DARS2: variants seen among roughly 807,000 people sequenced by gnomAD.
The protein encoded by DARS2 is aspartate--tRNA ligase, mitochondrial.
A neutral mutation model predicts 83.0 loss-of-function variants in DARS2; 63 were observed. The ratio of observed to expected loss-of-function variants is 0.76; its 90% CI spans 0.62 to 0.94. The LOEUF is 0.94. Ranked by LOEUF, DARS2 falls within the 40% of genes least tolerant of loss-of-function variation. The probability of loss-of-function intolerance (pLI) is 0.00; values close to 1 mark genes in which losing one functional copy is unlikely to be tolerated. For synonymous variants in DARS2, 250 were observed against 269.3 expected (o/e 0.93, Z 0.70); for missense variants, 675 against 774.4 (o/e 0.87, Z 1.52).
Position 173,834,782 on chromosome 1 carries a change from GT to G in DARS2, c.663+279del, listed in dbSNP as rs558344998. Among the ~76,000 whole-genome samples, 5,197 of 26,728 alleles carry G rather than the reference GT, an allele frequency of 0.19. 156 individuals are homozygous for G. Among genetic ancestry groups the G allele is most frequent in the Non-Finnish European group, 0.22 (3,631 of 16,236 alleles). 17.5% of individuals were successfully genotyped at this position (26,728 alleles called of 152,430 possible). ...TGGTTTGTTTTGGGTTTTTTTTTTT[GT>G]TTTTTTTTTTTTTTTGAGACAGTCT... is the stretch of plus-strand genomic sequence containing the variant. On this transcript the variant is annotated intron_variant, in intron 7 of 16. Coordinates refer to ENST00000649689, the MANE Select transcript of DARS2 (RefSeq NM_018122.5).
chr1:173,834,732 G>GTTTTTTTT lies in DARS2; in HGVS notation c.663+231_663+238dup. On this transcript the variant is annotated intron_variant, in intron 7 of 16. Transcript: ENST00000649689. ...AATTTTCTTTCCTTTGAGTTTTTTT[G>GTTTTTTTT]TTTTTTTTTTTTTTTTTTTTTTTTT... Among the ~76,000 whole-genome samples, 85 of 21,684 alleles carry GTTTTTTTT rather than the reference G, an allele frequency of 3.9e-3. 1 individual carries two copies. The highest frequency in any genetic ancestry group is 0.1 in the Middle Eastern group (2 of 20). 14.2% of individuals were successfully genotyped at this position (21,684 alleles called of 152,430 possible).
chr1:173,833,541 C>T (rs751775279), intron 6 of DARS2, 42 bp downstream of exon 6: 2 of 1,613,032 alleles, frequency 1.2e-6, no homozygotes, highest in Non-Finnish European at 1.7e-6. Context: ...TTTGTAGCAT[C>T]TCTTCTATTT....
At chr1:173,855,601 C>G (rs1194514735) in intron 15 of DARS2, among the ~76,000 whole-genome samples, 9 of 152,136 alleles carry the variant, frequency 5.9e-5, no homozygotes, top group African/African-American at 2.2e-4. Flanking sequence ...AGCTTCCAGT[C>G]AGCAGTTTTC....
chr1:173,839,257 C>A, intron 9 of DARS2, 110 bp from the exon 10 acceptor site: 7 of 890,808 alleles, frequency 7.9e-6, no homozygotes, highest in Non-Finnish European at 1.3e-5. Context: ...AATATTTATA[C>A]CCTCTGCATG....
At chr1:173,830,565 G>C in intron 3 of DARS2, 95 bp from the exon 4 acceptor site, 1 of 996,538 alleles carries the variant, frequency 1.0e-6, no homozygotes, top group East Asian at 2.4e-5. Context: ...ATTAAGCTGT[G>C]ACTATTAACG....
chr1:173,840,679 AT>A (rs1279290843), intron 10 of DARS2, among the ~76,000 whole-genome samples, 186 bp from the exon 11 acceptor site: 4 of 152,224 alleles, frequency 2.6e-5, no homozygotes, highest in Non-Finnish European at 1.5e-5. Flanking sequence ...CTAACCTCAT[AT>A]GAAATGAATG....
rs1304745729 is a variant in DARS2 at position 173,842,317 on chromosome 1, T to TTG, written c.1128+1344_1128+1345insTG. Among the ~76,000 whole-genome samples, 82 of 116,612 alleles carry TTG rather than the reference T, an allele frequency of 7.0e-4. 15 individuals carry two copies. Among genetic ancestry groups the TTG allele is most frequent in the African/African-American group, 3.0e-3 (71 of 23,530 alleles). The allele number at this position is 116,612 out of a possible 152,430, so 76.5% of individuals were successfully genotyped here. ...TTTTTTTTTTTTTTTTTTTTTTTTT[T>TTG]AGAGTGAGTCTTGCTCTGTCGCCCA... On this transcript the variant is annotated intron_variant, in intron 11 of 16. Coordinates refer to ENST00000649689, the MANE Select transcript of DARS2 (RefSeq NM_018122.5).
intron 10 of DARS2, 77 bp from the exon 11 acceptor site, chr1:173,840,789 A>T: frequency 1.2e-6 from 1 of 826,396 alleles, no homozygotes; most frequent in Non-Finnish European, 2.1e-6. Context: ...TCTCTTCTTT[A>T]AAATCTTGTT....
At chr1:173,847,844 C>CTTTTTTTTTTTT (rs1160841148) in intron 12 of DARS2, among the ~76,000 whole-genome samples, 1 of 78,616 alleles carries the variant, frequency 1.3e-5, no homozygotes, top group Non-Finnish European at 2.2e-5. Flanking sequence ...CTTTCTGAAC[C>CTTTTTTTTTTTT]TTTTTTTTTT....
chr1:173,832,322 T>C (rs1326947634), intron 5 of DARS2, among the ~76,000 whole-genome samples: 1 of 152,224 alleles, frequency 6.6e-6, no homozygotes, highest in Admixed American at 6.5e-5. Context: ...AATACTTAAT[T>C]ATCTAATTAG....
chr1:173,825,188 G>C lies in DARS2; in HGVS notation c.-42G>C, dbSNP rs781360061. 10 of 1,603,130 alleles carry C rather than the reference G, an allele frequency of 6.2e-6. No individual in the cohort carries two copies. Among genetic ancestry groups the C allele is most frequent in the Non-Finnish European group, 8.5e-6 (10 of 1,172,768 alleles). ...AAACTGACTTTTAACTACCGGCAGCGTGGGATTTCGTGATTGTTTTTCGCC... is the reference window on the plus strand; with the variant it reads ...AAACTGACTTTTAACTACCGGCAGCCTGGGATTTCGTGATTGTTTTTCGCC... On this transcript the variant is annotated 5_prime_UTR_variant, in exon 1 of 17. Coordinates refer to ENST00000649689, the MANE Select transcript of DARS2 (RefSeq NM_018122.5).
chr1:173,843,396 T>C (rs984056917), intron 11 of DARS2, among the ~76,000 whole-genome samples: 18 of 152,134 alleles, frequency 1.2e-4, no homozygotes, highest in Admixed American at 1.0e-3. Context: ...ACGTCTGTAC[T>C]AAAAATGTAA....
At chr1:173,834,091 C>A (rs914263823) in intron 6 of DARS2, among the ~76,000 whole-genome samples, 4 of 152,144 alleles carry the variant, frequency 2.6e-5, no homozygotes, top group African/African-American at 9.7e-5. Context: ...CATGTGCATA[C>A]ATCACTTATT....
At position 173,826,721 on chromosome 1, in the gene DARS2, T is replaced by G; in HGVS notation, c.162T>G (p.Cys54Trp). ...GCTTTGTTGTCCGGACCAACACATG[T>G]GGAGAGTTGCGTTCGTCTCACTTAG... ...FSSFVVRTNT[C>W]GELRSSHLGQ... Residue 54 changes from cysteine to tryptophan, a missense_variant, in exon 2 of 17, where the codon TGT becomes TGG. By Grantham distance (215) the Cys-to-Trp change is radical. Coordinates refer to ENST00000649689, the MANE Select transcript of DARS2 (RefSeq NM_018122.5). 6.2e-7 allele frequency: 1 copy of G among 1,612,954 alleles called. No homozygotes were observed. The highest frequency in any genetic ancestry group is 8.5e-7 in the Non-Finnish European group (1 of 1,179,372).
At chr1:173,846,314 G>A (rs1471227975) in intron 12 of DARS2, among the ~76,000 whole-genome samples, 6 of 151,940 alleles carry the variant, frequency 3.9e-5, no homozygotes, top group Non-Finnish European at 8.8e-5. Context: ...CTGGGCCACA[G>A]AGCAAGACTC....
At chr1:173,848,052 G>A (rs892315749) in intron 12 of DARS2, among the ~76,000 whole-genome samples, 4 of 151,878 alleles carry the variant, frequency 2.6e-5, no homozygotes, top group Non-Finnish European at 5.9e-5. Context: ...ATGGGGTTTC[G>A]CTGTGTTAGC....
Position 173,828,417 on chromosome 1 carries a change from G to A in DARS2, c.294+18G>A. 2 of 1,607,206 alleles carry A rather than the reference G, an allele frequency of 1.2e-6. No homozygotes were observed. Among genetic ancestry groups the A allele is most frequent in the Non-Finnish European group, 1.7e-6 (2 of 1,174,496 alleles). On this transcript the variant is annotated intron_variant, in intron 3 of 16. Coordinates refer to ENST00000649689, the MANE Select transcript of DARS2 (RefSeq NM_018122.5). ...AGGATGAGGTAATAGAAAATTTCCT[G>A]TTATTATCTAAAAGCTTCTTTGATG...
chr1:173,842,444 G>A (rs562580853), intron 11 of DARS2, among the ~76,000 whole-genome samples: 18 of 149,634 alleles, frequency 1.2e-4, no homozygotes, highest in African/African-American at 3.6e-4. Flanking sequence ...GACTACAGGC[G>A]TATGCCACCA....
In DARS2 at chr1:173,839,564, T is replaced by C. The variant is rs1653132467; in HGVS notation, c.1020+18T>C. 2 of 1,611,396 alleles carry C rather than the reference T, an allele frequency of 1.2e-6. No homozygotes were observed. The highest frequency in any genetic ancestry group is 1.7e-6 in the Non-Finnish European group (2 of 1,177,502). On this transcript the variant is annotated intron_variant, in intron 10 of 16. Coordinates refer to ENST00000649689, the MANE Select transcript of DARS2 (RefSeq NM_018122.5). ...GAATGAAGGTACTTATCTTCACTTT[T>C]CTAGGACTCTGTCCCCAAATAATCC...
Sources: gnomAD v4.1 joint callset for allele counts (sites outside exome capture counted in the v4.1 genomes callset) on GRCh38, gnomAD v4.1.1 for gene constraint, MANE v1.5 for transcripts, NCBI Gene and HGNC (gene_info 2026-07-23, HGNC 2026-07-21) for gene names.